LUZP2: variants seen among roughly 807,000 people sequenced by gnomAD.
LUZP2 encodes the protein leucine zipper protein 2.
LUZP2 carries 52 observed loss-of-function variants against 51.6 expected under a neutral mutation model. The observed-to-expected ratio is 1.01, with a 90% confidence interval of 0.81 to 1.27. LUZP2 has a LOEUF of 1.27. Among genes scored for constraint, LUZP2 ranks in the 50% most tolerant of loss-of-function variants. LUZP2 has a pLI of 0.00. For synonymous variants in LUZP2, 154 were observed against 137.3 expected (o/e 1.12, Z -0.85); for missense variants, 436 against 395.4 (o/e 1.10, Z -0.87).
chr11:24,993,343 G>A (rs1453464690), intron 9 of LUZP2, among the ~76,000 whole-genome samples: 1 of 152,090 alleles, frequency 6.6e-6, no homozygotes, highest in African/African-American at 2.4e-5. Context: ...ATGTCATAAT[G>A]TAAAAGCAGT....
intron 5 of LUZP2, among the ~76,000 whole-genome samples, chr11:24,872,845 G>A (rs1238170898): frequency 6.6e-6 from 1 of 152,068 alleles, no homozygotes; most frequent in Non-Finnish European, 1.5e-5. Flanking sequence ...AGAAACCAAG[G>A]CTTAGAAATG....
intron 6 of LUZP2, among the ~76,000 whole-genome samples, chr11:24,912,506 G>A (rs1290498856): frequency 6.6e-6 from 1 of 152,110 alleles, no homozygotes; most frequent in African/African-American, 2.4e-5. Context: ...TGAGTACACT[G>A]CATAATTAGA....
chr11:24,873,138 C>T (rs1460581260), intron 5 of LUZP2, among the ~76,000 whole-genome samples: 1 of 152,022 alleles, frequency 6.6e-6, no homozygotes, highest in African/African-American at 2.4e-5. Context: ...GCTTTCAAAC[C>T]CCAGTGCTAG....
Position 24,554,233 on chromosome 11 carries a change from T to C in LUZP2, c.62+56928T>C, listed in dbSNP as rs74397129. ...TTTTCTAAGGAGCTGCTTTCTTCCC[T>C]CATTGTTCTAAGAATACATGTATGA... On this transcript the variant is annotated intron_variant, in intron 1 of 11. Coordinates refer to ENST00000336930, the MANE Select transcript of LUZP2 (RefSeq NM_001009909.4). Among the ~76,000 whole-genome samples the C allele has an allele frequency of 3.6e-3, 553 of 152,270 alleles. 24 individuals are homozygous for C. The East Asian group carries it at 0.079, about 22-fold the overall frequency.
At chr11:24,598,821 C>A (rs1349370480) in intron 1 of LUZP2, among the ~76,000 whole-genome samples, 1 of 152,120 alleles carries the variant, frequency 6.6e-6, no homozygotes, top group Non-Finnish European at 1.5e-5. Context: ...TCTTTGCTTC[C>A]AGAAAAACAA....
At chr11:25,022,453 G>T (rs147681815) in intron 9 of LUZP2, among the ~76,000 whole-genome samples, 32 of 151,942 alleles carry the variant, frequency 2.1e-4, no homozygotes, top group Non-Finnish European at 3.8e-4. Context: ...AAGGCATTAG[G>T]GTTGTGGAAA....
intron 1 of LUZP2, among the ~76,000 whole-genome samples, chr11:24,607,119 G>C (rs574173690): frequency 6.6e-6 from 1 of 150,620 alleles, no homozygotes; most frequent in South Asian, 2.1e-4. Flanking sequence ...TTCCTTTACT[G>C]TACAGAAACA....
intron 5 of LUZP2, among the ~76,000 whole-genome samples, chr11:24,788,063 T>C (rs1849297863): frequency 6.6e-6 from 1 of 152,184 alleles, no homozygotes; most frequent in African/African-American, 2.4e-5. Context: ...CTACTTAAAT[T>C]CATTATCAGT....
In LUZP2 at chr11:24,786,436, AC is replaced by A. The variant is rs1849247591; in HGVS notation, c.396+23130del. On this transcript the variant is annotated intron_variant, in intron 5 of 11. Coordinates refer to ENST00000336930, the MANE Select transcript of LUZP2 (RefSeq NM_001009909.4). ...GTATACATATGCAATTTTTCATGGT[AC>A]CAAAAATTCTGCGTAAATATCATAT... 4.1e-6 allele frequency: 4 copies of A among 982,702 alleles called. No homozygotes were observed. The South Asian group carries it at 1.9e-4, about 46-fold the overall frequency. The allele number at this position is 982,702 out of a possible 1,614,324, so 60.9% of individuals were successfully genotyped here.
chr11:24,710,307 C>A (rs561278995), intron 1 of LUZP2, among the ~76,000 whole-genome samples: 102 of 152,152 alleles, frequency 6.7e-4, no homozygotes, highest in South Asian at 8.3e-4. Context: ...TAGAGTTTTT[C>A]TCTGGCTAGA....
intron 1 of LUZP2, among the ~76,000 whole-genome samples, chr11:24,686,870 C>T (rs919113091): frequency 5.9e-5 from 9 of 152,068 alleles, no homozygotes; most frequent in African/African-American, 1.4e-4. Flanking sequence ...GCTGCTTCCC[C>T]GAGAGTTGCT....
intron 5 of LUZP2, among the ~76,000 whole-genome samples, chr11:24,827,347 T>C (rs2134171192): frequency 6.6e-6 from 1 of 152,302 alleles, no homozygotes; most frequent in East Asian, 1.9e-4. Flanking sequence ...CAAAGTTTTA[T>C]TTGTAGATAT....
chr11:24,888,737 T>C (rs1046960664), intron 5 of LUZP2, among the ~76,000 whole-genome samples: 2 of 152,122 alleles, frequency 1.3e-5, no homozygotes, highest in Non-Finnish European at 1.5e-5. Context: ...ATAATCTCCA[T>C]GTGTCAAGGG....
At chr11:24,833,283 AAC>A (rs747435886) in intron 5 of LUZP2, among the ~76,000 whole-genome samples, 14 of 152,210 alleles carry the variant, frequency 9.2e-5, no homozygotes, top group Admixed American at 5.2e-4. Context: ...AGAACTGGGA[AAC>A]ACTCAGTAAT....
chr11:24,634,116 AACCCTC>A (rs1182242945), intron 1 of LUZP2, among the ~76,000 whole-genome samples: 1 of 152,048 alleles, frequency 6.6e-6, no homozygotes, highest in Non-Finnish European at 1.5e-5. Context: ...CAAATTACTT[AACCCTC>A]TACTTCAGTC....
chr11:25,030,534 A>G (rs1051976177), intron 9 of LUZP2, among the ~76,000 whole-genome samples: 4 of 151,960 alleles, frequency 2.6e-5, no homozygotes, highest in African/African-American at 4.8e-5. Context: ...AAATTTATTT[A>G]TATAAATATT....
At position 25,082,350 on chromosome 11, in the gene LUZP2, C is replaced by A. The variant is rs1290077003; in HGVS notation, c.*3692C>A. On this transcript the variant is annotated 3_prime_UTR_variant, in exon 12 of 12. Coordinates refer to ENST00000336930, the MANE Select transcript of LUZP2 (RefSeq NM_001009909.4). ...TTTGTGAACTTTGCTATAATGAAAT[C>A]TTTTATTTTTATAGCTCAGGTATTG... 3.3e-5 allele frequency: 5 copies of A among 152,540 alleles called. No homozygotes were observed. Among genetic ancestry groups the A allele is most frequent in the South Asian group, 2.1e-4 (1 of 4,832 alleles). 9.4% of individuals were successfully genotyped at this position (152,540 alleles called of 1,614,324 possible).
At chr11:24,714,487 C>T (rs998669444) in intron 1 of LUZP2, among the ~76,000 whole-genome samples, 1 of 151,860 alleles carries the variant, frequency 6.6e-6, no homozygotes, top group Non-Finnish European at 1.5e-5. Flanking sequence ...AGATTTGGCA[C>T]GGAGTAATAT....
At chr11:24,754,598 A>G (rs913570773) in intron 4 of LUZP2, among the ~76,000 whole-genome samples, 2 of 152,182 alleles carry the variant, frequency 1.3e-5, no homozygotes, top group Admixed American at 6.5e-5. Flanking sequence ...TGTCCCTGAC[A>G]TCATAAAAGC....
Sources: allele counts gnomAD v4.1 joint callset (sites outside exome capture counted in the v4.1 genomes callset), GRCh38; gene constraint gnomAD v4.1.1; transcripts MANE v1.5; gene names NCBI Gene and HGNC (gene_info 2026-07-23, HGNC 2026-07-21).